Variants in GLI3 observed in about 807,000 individuals in gnomAD.
GLI3 encodes the protein GLI family zinc finger 3.
In GLI3, 20 loss-of-function variants were observed where a neutral mutation model predicts 100.8. That is an observed-to-expected ratio of 0.20 (90% CI 0.14 to 0.29). GLI3 has a LOEUF of 0.29. Among genes scored for constraint, GLI3 ranks in the 10% least tolerant of loss-of-function variants. The pLI, the probability that GLI3 is intolerant of heterozygous loss-of-function variation, is 1.00. For synonymous variants in GLI3, 938 were observed against 860.5 expected (o/e 1.09, Z -1.58); for missense variants, 2,040 against 2,128.5 (o/e 0.96, Z 0.82).
At chr7:42,236,473 G>C (rs892856592) in intron 1 of GLI3, among the ~76,000 whole-genome samples, 4 of 152,018 alleles carry the variant, frequency 2.6e-5, no homozygotes, top group Non-Finnish European at 4.4e-5. Context: ...GCCCGGGCTG[G>C]AGAAGCCCCA....
At chr7:42,117,834 G>A (rs772684087) in intron 3 of GLI3, among the ~76,000 whole-genome samples, 1 of 152,160 alleles carries the variant, frequency 6.6e-6, no homozygotes, top group Non-Finnish European at 1.5e-5. Flanking sequence ...AGAAAACCCA[G>A]CTCGAGGCTT....
At chr7:42,012,381 C>A (rs1318963780) in intron 10 of GLI3, among the ~76,000 whole-genome samples, 1 of 151,964 alleles carries the variant, frequency 6.6e-6, no homozygotes, top group Non-Finnish European at 1.5e-5. Context: ...CTCCTCTCCC[C>A]CCTCCCTTTT....
chr7:42,002,032 TA>T (rs1177051913), intron 10 of GLI3, among the ~76,000 whole-genome samples: 1 of 151,384 alleles, frequency 6.6e-6, no homozygotes, highest in African/African-American at 2.4e-5. Context: ...TTGACCATGG[TA>T]AAAATAAGGA....
upstream of GLI3, among the ~76,000 whole-genome samples, chr7:42,241,631 C>T (rs550754563): frequency 1.3e-5 from 2 of 152,296 alleles, no homozygotes; most frequent in South Asian, 2.1e-4. Context: ...ACTCAGCACC[C>T]GCGTAACTTG....
At position 42,182,423 on chromosome 7, in the gene GLI3, T is replaced by C. The variant is rs760551845; in HGVS notation, c.125-33955A>G. On this transcript the variant is annotated intron_variant, in intron 2 of 14. Transcript: ENST00000395925. ...AAATAGTACCAAAGACCCTGCTTTA[T>C]ATCCTTGCTTTAAAATTAAAAAAAT... Among the ~76,000 whole-genome samples the C allele has an allele frequency of 3.0e-4, 45 of 151,510 alleles. 1 individual carries two copies. Among genetic ancestry groups the C allele is most frequent in the Admixed American group, 7.2e-4 (11 of 15,184 alleles).
At chr7:42,018,725 T>C (rs543145497) in intron 10 of GLI3, among the ~76,000 whole-genome samples, 2 of 152,356 alleles carry the variant, frequency 1.3e-5, no homozygotes, top group East Asian at 3.9e-4. Flanking sequence ...AGCATGCTTT[T>C]AGAGATCAAA....
Position 42,053,038 on chromosome 7 carries a change from G to A in GLI3, c.474-4342C>T, listed in dbSNP as rs113007610. Among the ~76,000 whole-genome samples, 703 of 152,216 alleles carry A rather than the reference G, an allele frequency of 4.6e-3. 6 individuals are homozygous for A. The highest frequency in any genetic ancestry group is 6.6e-3 in the East Asian group (34 of 5,162). On this transcript the variant is annotated intron_variant, in intron 4 of 14. Coordinates refer to ENST00000395925, the MANE Select transcript of GLI3 (RefSeq NM_000168.6). ...AGACAGAGTTTCACTCTTGTTGCCC[G>A]GGCTGGAGTGCAGTGGCGCAATCTC...
chr7:41,977,290 A>G (rs1158781692), intron 12 of GLI3, among the ~76,000 whole-genome samples: 1 of 152,228 alleles, frequency 6.6e-6, no homozygotes, highest in African/African-American at 2.4e-5. Flanking sequence ...CTGTTTGACC[A>G]GTAGGTGGCA....
chr7:41,995,563 T>A (rs1359482602), intron 10 of GLI3, among the ~76,000 whole-genome samples: 1 of 152,182 alleles, frequency 6.6e-6, no homozygotes, highest in Non-Finnish European at 1.5e-5. Context: ...GGCTAAACTT[T>A]CTACCCACTA....
chr7:42,131,795 G>A (rs1786283252), intron 3 of GLI3, among the ~76,000 whole-genome samples: 1 of 152,050 alleles, frequency 6.6e-6, no homozygotes, highest in Admixed American at 6.5e-5. Flanking sequence ...AGTTATAAAA[G>A]CACCCAATAT....
At chr7:42,167,532 A>AAAT (rs1189658841) in intron 2 of GLI3, among the ~76,000 whole-genome samples, 8 of 152,374 alleles carry the variant, frequency 5.3e-5, no homozygotes, top group Admixed American at 3.3e-4. Flanking sequence ...GATAAATTTT[A>AAAT]AATAGGTATA....
intron 3 of GLI3, among the ~76,000 whole-genome samples, chr7:42,093,797 T>C (rs1785279903): frequency 6.6e-6 from 1 of 152,084 alleles, no homozygotes; most frequent in African/African-American, 2.4e-5. Flanking sequence ...AACACTCCTG[T>C]ATGGGAGCTT....
At chr7:42,135,515 A>G (rs1157035643) in intron 3 of GLI3, among the ~76,000 whole-genome samples, 7 of 152,214 alleles carry the variant, frequency 4.6e-5, no homozygotes, top group Non-Finnish European at 2.9e-5. Flanking sequence ...TAAAGCAAGT[A>G]TCAGTCCTAC....
intron 10 of GLI3, among the ~76,000 whole-genome samples, chr7:41,994,226 T>C (rs879370171): frequency 1.3e-5 from 2 of 152,232 alleles, no homozygotes; most frequent in Non-Finnish European, 2.9e-5. Context: ...TCTATCTCAC[T>C]GGAATTTGGG....
intron 2 of GLI3, among the ~76,000 whole-genome samples, chr7:42,150,677 A>T (rs1477432516): frequency 6.6e-6 from 1 of 152,226 alleles, no homozygotes. Context: ...AAACTCGGCT[A>T]ACCTGTTCCA....
At chr7:42,189,695 G>T (rs947655202) in intron 2 of GLI3, among the ~76,000 whole-genome samples, 1 of 152,174 alleles carries the variant, frequency 6.6e-6, no homozygotes, top group Non-Finnish European at 1.5e-5. Context: ...CAGCAAGTAA[G>T]ACCTGATGAC....
chr7:42,148,554 T>C, intron 2 of GLI3, 86 bp from the exon 3 acceptor site: 2 of 1,228,806 alleles, frequency 1.6e-6, no homozygotes, highest in South Asian at 2.4e-5. Context: ...TCATTCTCGA[T>C]ATCCCTCTCC....
At chr7:42,185,207 C>G (rs146341530) in intron 2 of GLI3, among the ~76,000 whole-genome samples, 1 of 152,326 alleles carries the variant, frequency 6.6e-6, no homozygotes, top group Non-Finnish European at 1.5e-5. Flanking sequence ...ATTCACCCTA[C>G]TGTGGGGGTT....
At chr7:42,135,738 C>T (rs989655169) in intron 3 of GLI3, among the ~76,000 whole-genome samples, 2 of 152,188 alleles carry the variant, frequency 1.3e-5, no homozygotes, top group African/African-American at 4.8e-5. Context: ...ATCATTCCTC[C>T]AACCTCTTCA....
Sources: gnomAD v4.1 joint callset for allele counts (sites outside exome capture counted in the v4.1 genomes callset) on GRCh38, gnomAD v4.1.1 for gene constraint, MANE v1.5 for transcripts, NCBI Gene and HGNC (gene_info 2026-07-23, HGNC 2026-07-21) for gene names.